COL21A1: variants seen among roughly 807,000 people sequenced by gnomAD.
COL21A1 encodes collagen alpha-1(XXI) chain.
A neutral mutation model predicts 137.9 loss-of-function variants in COL21A1; 149 were observed. That is an observed-to-expected ratio of 1.08 (90% CI 0.95 to 1.24). The LOEUF (loss-of-function observed/expected upper bound fraction) is 1.24, where lower values mean the gene tolerates loss of function less well. Among genes scored for constraint, COL21A1 ranks in the 50% most tolerant of loss-of-function variants. The probability of loss-of-function intolerance (pLI) is 0.00; values close to 1 mark genes in which losing one functional copy is unlikely to be tolerated. For missense variants in COL21A1, 1,167 were observed against 1,158.4 expected (o/e 1.01, Z -0.11); for synonymous variants, 456 against 391.5 (o/e 1.16, Z -1.95).
chr6:56,212,037 T>C (rs1780204856), intron 1 of COL21A1, among the ~76,000 whole-genome samples: 1 of 152,108 alleles, frequency 6.6e-6, no homozygotes, highest in African/African-American at 2.4e-5. Flanking sequence ...TTAAGAAATT[T>C]GGTCTAACCT....
At chr6:56,271,604 G>A (rs903377208) in intron 1 of COL21A1, among the ~76,000 whole-genome samples, 1 of 152,230 alleles carries the variant, frequency 6.6e-6, no homozygotes, top group Non-Finnish European at 1.5e-5. Context: ...ACTAGGTGCT[G>A]AATATTAAGA....
At chr6:56,162,838 A>G (rs1238353991) in intron 9 of COL21A1, among the ~76,000 whole-genome samples, 1 of 152,230 alleles carries the variant, frequency 6.6e-6, no homozygotes, top group Non-Finnish European at 1.5e-5. Flanking sequence ...GGAGAATTTT[A>G]TAAGTATTTC....
intron 10 of COL21A1, among the ~76,000 whole-genome samples, chr6:56,155,360 C>T (rs6459127): frequency 0.77 from 116,415 of 152,078 alleles, 45,424 homozygotes; most frequent in African/African-American, 0.91. Flanking sequence ...TGTTTTATTT[C>T]TTGTTTTTTA....
intron 21 of COL21A1, 85 bp downstream of exon 21, chr6:56,070,660 G>T: frequency 2.2e-6 from 2 of 889,140 alleles, no homozygotes; most frequent in South Asian, 1.8e-5. Flanking sequence ...TCTCTTCAGA[G>T]ATATAAAATG....
intron 10 of COL21A1, among the ~76,000 whole-genome samples, chr6:56,146,704 C>A (rs893456327): frequency 6.6e-6 from 1 of 151,938 alleles, no homozygotes; most frequent in African/African-American, 2.4e-5. Context: ...TATACCATAT[C>A]CACAAAGCCA....
intron 17 of COL21A1, among the ~76,000 whole-genome samples, chr6:56,098,414 A>AAT (rs1483490621): frequency 4.6e-4 from 3 of 6,556 alleles, no homozygotes; most frequent in African/African-American, 1.0e-3. Context: ...AATATATATA[A>AAT]ATATATAAAT....
intron 17 of COL21A1, among the ~76,000 whole-genome samples, chr6:56,088,881 G>C (rs895894563): frequency 1.3e-5 from 2 of 152,074 alleles, no homozygotes; most frequent in African/African-American, 4.8e-5. Flanking sequence ...CGACCTCCCA[G>C]GCTCAGGTGA....
chr6:56,202,596 A>T (rs1779484278), intron 1 of COL21A1, among the ~76,000 whole-genome samples: 1 of 152,190 alleles, frequency 6.6e-6, no homozygotes, highest in African/African-American at 2.4e-5. Flanking sequence ...CACTTAGTCT[A>T]CAGTGGTATC....
intron 16 of COL21A1, among the ~76,000 whole-genome samples, chr6:56,117,074 A>G (rs1273818271): frequency 1.3e-5 from 2 of 151,996 alleles, no homozygotes; most frequent in Non-Finnish European, 2.9e-5. Flanking sequence ...AAATAACAAC[A>G]TAACAGGAGT....
At chr6:56,160,757 G>T (rs560672689) in intron 9 of COL21A1, among the ~76,000 whole-genome samples, 1 of 152,158 alleles carries the variant, frequency 6.6e-6, no homozygotes, top group East Asian at 1.9e-4. Context: ...CTCTGAATAT[G>T]GTCTCTTAAG....
At chr6:56,167,614 T>C (rs115140095) in intron 6 of COL21A1, among the ~76,000 whole-genome samples, 1,632 of 152,284 alleles carry the variant, frequency 0.011, 28 homozygotes, top group African/African-American at 0.036. Flanking sequence ...TCCATCCAAA[T>C]ACAGATACTC....
intron 12 of COL21A1, among the ~76,000 whole-genome samples, chr6:56,139,671 CCT>C (rs1774271279): frequency 6.6e-6 from 1 of 152,100 alleles, no homozygotes; most frequent in South Asian, 2.1e-4. Flanking sequence ...CTTTTTTACC[CCT>C]GTTCTCTCAA....
intron 7 of COL21A1, 176 bp downstream of exon 7, chr6:56,166,730 C>A (rs893930916): frequency 8.7e-6 from 6 of 690,382 alleles, no homozygotes; most frequent in Admixed American, 6.3e-5. Flanking sequence ...ATAACAATCT[C>A]ATTTCAATTA....
chr6:56,298,939 T>C (rs1047821661), intron 1 of COL21A1, among the ~76,000 whole-genome samples: 1 of 152,170 alleles, frequency 6.6e-6, no homozygotes, highest in Non-Finnish European at 1.5e-5. Flanking sequence ...AAACAACTTA[T>C]ATTCAAAGTC....
intron 16 of COL21A1, among the ~76,000 whole-genome samples, chr6:56,102,510 A>AT (rs1194898123): frequency 1.3e-5 from 2 of 152,144 alleles, no homozygotes; most frequent in Admixed American, 1.3e-4. Flanking sequence ...AAATAAAAGC[A>AT]TTTTTTCCCG....
intron 1 of COL21A1, among the ~76,000 whole-genome samples, chr6:56,316,599 C>T (rs1214340413): frequency 2.2e-5 from 3 of 137,792 alleles, no homozygotes; most frequent in Non-Finnish European, 4.6e-5. Context: ...CTTGTGCCTC[C>T]GCCTCCCAAG....
chr6:56,079,873 A>G (rs1031701656), intron 17 of COL21A1, among the ~76,000 whole-genome samples: 3 of 151,640 alleles, frequency 2.0e-5, no homozygotes, highest in African/African-American at 7.3e-5. Flanking sequence ...ATATATAAAA[A>G]CTACAGGATA....
At chr6:56,117,998 A>T (rs1561883083) in intron 16 of COL21A1, among the ~76,000 whole-genome samples, 1 of 151,984 alleles carries the variant, frequency 6.6e-6, no homozygotes, top group South Asian at 2.1e-4. Flanking sequence ...AACTTCAAAT[A>T]AGCAATCTAA....
chr6:56,214,753 C>T (rs1417467387), intron 1 of COL21A1, among the ~76,000 whole-genome samples: 1 of 151,900 alleles, frequency 6.6e-6, no homozygotes, highest in African/African-American at 2.4e-5. Flanking sequence ...TTATATTTTA[C>T]ATTAATGATT....
Sources: allele counts gnomAD v4.1 joint callset (sites outside exome capture counted in the v4.1 genomes callset), GRCh38; gene constraint gnomAD v4.1.1; transcripts MANE v1.5; gene names NCBI Gene and HGNC (gene_info 2026-07-23, HGNC 2026-07-21).